FLT3LG: variants seen among roughly 807,000 people sequenced by gnomAD.
FLT3LG encodes the protein fms-related tyrosine kinase 3 ligand.
Under a neutral mutation model 30.9 loss-of-function variants are expected in FLT3LG, and 8 were observed. The observed-to-expected ratio is 0.26, with a 90% CI of 0.15 to 0.47. The LOEUF is 0.47. FLT3LG is among the 20% of genes least tolerant of loss of function. The pLI, the probability that FLT3LG is intolerant of heterozygous loss-of-function variation, is 0.99. For synonymous variants in FLT3LG, 123 were observed against 135.9 expected, an observed-to-expected ratio of 0.91 and a Z score of 0.66; for missense variants, 278 against 306.2, an observed-to-expected ratio of 0.91 and a Z score of 0.69.
intron 3 of FLT3LG, 70 bp downstream of exon 3, chr19:49,475,871 G>T: frequency 7.5e-7 from 1 of 1,327,712 alleles, no homozygotes; most frequent in Non-Finnish European, 1.1e-6. Context: ...AAGTAGAGAT[G>T]GGGTCTCTCT....
Position 49,479,058 on chromosome 19 carries a change from C to T in FLT3LG, c.481+11C>T. On this transcript the variant is annotated intron_variant, in intron 6 of 8. Coordinates refer to ENST00000597551, the MANE Select transcript of FLT3LG (RefSeq NM_001459.4). ...TGCAGTGTCAGCCCGGTAAAGGCTT[C>T]CAGGCACCCCCACTCCTTCCCCTCC... 1.2e-6 allele frequency: 2 copies of T among 1,602,002 alleles called. No individual in the cohort carries two copies. The highest frequency in any genetic ancestry group is 1.7e-6 in the Non-Finnish European group (2 of 1,174,238).
At chr19:49,478,590 T>C (rs905196749) in intron 5 of FLT3LG, among the ~76,000 whole-genome samples, 5 of 152,006 alleles carry the variant, frequency 3.3e-5, no homozygotes, top group African/African-American at 1.2e-4. Flanking sequence ...CTGGCCAACA[T>C]GGAGAAACCC....
Position 49,475,061 on chromosome 19 carries a change from G to A in FLT3LG, c.33+389G>A, listed in dbSNP as rs370201491. Among the ~76,000 whole-genome samples the A allele has an allele frequency of 2.6e-5, 3 of 117,342 alleles. No homozygotes were observed. In the East Asian group the frequency reaches 8.6e-4, roughly 34 times the overall value. 77.0% of individuals were successfully genotyped at this position (117,342 alleles called of 152,430 possible). ...GAAGGGGGAGATGGACAGAGGTGGGGGAGATGGACAGGAGGGAAGATGGAG... is the reference window on the plus strand; with the variant it reads ...GAAGGGGGAGATGGACAGAGGTGGGAGAGATGGACAGGAGGGAAGATGGAG... On this transcript the variant is annotated intron_variant, in intron 2 of 8. Coordinates refer to ENST00000597551, the MANE Select transcript of FLT3LG (RefSeq NM_001459.4).
At chr19:49,480,167 G>C (rs767793591) in intron 6 of FLT3LG, 131 bp from the exon 7 acceptor site, 30 of 643,714 alleles carry the variant, frequency 4.7e-5, no homozygotes, top group Non-Finnish European at 7.4e-5. Flanking sequence ...TAGTTTTACA[G>C]ATGAGCAAAC....
Position 49,476,088 on chromosome 19 carries a change from C to T in FLT3LG, c.145-57C>T, listed in dbSNP as rs776506882. The stretch of plus-strand genomic sequence containing the variant: ...GGATCTCTGCTGCCACCTCTGGGTC[C>T]CCACAGTTCTGTTTCTCGCTGTTTT... On this transcript the variant is annotated intron_variant, in intron 3 of 8. Transcript: ENST00000597551. The surrounding 1 kb of genome is among the most constrained non-coding windows in gnomAD (Gnocchi z 5.3). The T allele has an allele frequency of 7.5e-6, 12 of 1,596,214 alleles. No homozygotes were observed. The highest frequency in any genetic ancestry group is 1.0e-5 in the Non-Finnish European group (12 of 1,164,254).
chr19:49,475,950 TG>T, intron 3 of FLT3LG, 149 bp downstream of exon 3: 1 of 1,029,834 alleles, frequency 9.7e-7, no homozygotes, highest in Non-Finnish European at 1.5e-6. Flanking sequence ...CCTCCCAAAG[TG>T]CTGGAATTAC....
In FLT3LG at chr19:49,484,560, G is replaced by A. The variant is rs934097619; in HGVS notation, c.*22-1455G>A. Among the ~76,000 whole-genome samples, 17 of 151,502 alleles carry A rather than the reference G, an allele frequency of 1.1e-4. No homozygotes were observed. The South Asian group carries it at 3.1e-3, about 28-fold the overall frequency. ...TGCCCAGGCTGGAGTGCAACGGCAC[G>A]ATCTCGGCTCACTGCAACATCTGCC... On this transcript the variant is annotated intron_variant, in intron 8 of 8. Coordinates refer to ENST00000597551, the MANE Select transcript of FLT3LG (RefSeq NM_001459.4).
At chr19:49,479,191 C>G in intron 6 of FLT3LG, 144 bp downstream of exon 6, 1 of 710,218 alleles carries the variant, frequency 1.4e-6, no homozygotes, top group South Asian at 3.4e-5. Context: ...GCTCAGTTTA[C>G]CAATTTTTTT....
At chr19:49,478,218 C>A (rs1019516689) in intron 5 of FLT3LG, among the ~76,000 whole-genome samples, 1 of 149,300 alleles carries the variant, frequency 6.7e-6, no homozygotes, top group Non-Finnish European at 1.5e-5. Flanking sequence ...CCTGTAATCC[C>A]ACACTTTGGG....
intron 5 of FLT3LG, among the ~76,000 whole-genome samples, chr19:49,477,502 G>T (rs1012307603): frequency 3.3e-5 from 5 of 150,768 alleles, no homozygotes; most frequent in African/African-American, 1.2e-4. Flanking sequence ...ACTTTGGGAG[G>T]CTGAGGCGGG....
intron 8 of FLT3LG, among the ~76,000 whole-genome samples, chr19:49,482,583 G>A (rs1012746096): frequency 2.6e-5 from 4 of 151,908 alleles, no homozygotes; most frequent in Non-Finnish European, 4.4e-5. Flanking sequence ...CAGTGGAAAC[G>A]GCATGTGAGC....
chr19:49,482,157 G>C (rs1296024222), intron 8 of FLT3LG: 1 of 143,056 alleles, frequency 7.0e-6, no homozygotes, highest in Non-Finnish European at 1.5e-5. Flanking sequence ...ATGGAGTCTT[G>C]CTCTGTCGCC....
rs1222007581 is a variant in FLT3LG at position 49,474,626 on chromosome 19, G to A, written c.-14G>A. 1 of 1,612,498 alleles carries A rather than the reference G, an allele frequency of 6.2e-7. No individual in the cohort carries two copies. On this transcript the variant is annotated 5_prime_UTR_variant, in exon 2 of 9. Transcript: ENST00000597551. Reference sequence around the variant, plus strand: ...AGACCCGGCGACAGGAGGCATGAGGGGCCCCCGGCCGAAATGACAGTGCTG... The same window carrying A: ...AGACCCGGCGACAGGAGGCATGAGGAGCCCCCGGCCGAAATGACAGTGCTG...
In FLT3LG at chr19:49,476,199, G is replaced by A; in HGVS notation, c.198+1G>A. ...CACCGTGGCCTCCAACCTGCAGGAC[G>A]TAAGTCATGTTGGGAGGGACCTGGG... On this transcript the variant is annotated splice_donor_variant, in intron 4 of 8. Transcript: ENST00000597551. LOFTEE classifies it high-confidence loss of function. This position sits in a 1 kb window ranked among gnomAD's most constrained non-coding sequence, Gnocchi z 5.3. The A allele has an allele frequency of 6.2e-7, 1 of 1,610,978 alleles. No individual in the cohort carries two copies. Among genetic ancestry groups the A allele is most frequent in the Non-Finnish European group, 8.5e-7 (1 of 1,178,146 alleles).
chr19:49,479,176 C>A, intron 6 of FLT3LG, 129 bp downstream of exon 6: 1 of 834,548 alleles, frequency 1.2e-6, no homozygotes, highest in Non-Finnish European at 1.7e-6. Flanking sequence ...ATTCCTCTTT[C>A]TGGAGCTCAG....
At chr19:49,477,510 G>C (rs563584811) in intron 5 of FLT3LG, among the ~76,000 whole-genome samples, 12 of 151,930 alleles carry the variant, frequency 7.9e-5, no homozygotes, top group African/African-American at 2.9e-4. Context: ...AGGCTGAGGC[G>C]GGTGGATTGC....
chr19:49,479,340 G>A (rs546351599), intron 6 of FLT3LG, among the ~76,000 whole-genome samples: 42 of 151,290 alleles, frequency 2.8e-4, no homozygotes, highest in African/African-American at 9.2e-4. Context: ...GACCACAGGC[G>A]CCCGCCACCA....
intron 2 of FLT3LG, 54 bp downstream of exon 2, chr19:49,474,726 TG>T: frequency 1.9e-6 from 3 of 1,578,790 alleles, no homozygotes; most frequent in Non-Finnish European, 2.6e-6. Flanking sequence ...AATGTCAGGA[TG>T]GGGCAGAGAT....
Position 49,480,557 on chromosome 19 carries a change from C to T in FLT3LG, c.666C>T (p.Pro222=), listed in dbSNP as rs1390218400. 3.1e-6 allele frequency: 5 copies of T among 1,612,974 alleles called. No homozygotes were observed. The highest frequency in any genetic ancestry group is 3.3e-5 in the Admixed American group (2 of 59,918). The change falls in exon 8 of 9, where the codon CCC becomes CCT. Residue 222 remains proline (P), a synonymous_variant. Coordinates refer to ENST00000597551, the MANE Select transcript of FLT3LG (RefSeq NM_001459.4). ...TGACACTTTGGGGCCCACAGGTGCCCCCCGTCCCCAGTCCCCAGGACCTGC... is the reference window on the plus strand; with the variant it reads ...TGACACTTTGGGGCCCACAGGTGCCTCCCGTCCCCAGTCCCCAGGACCTGC... ...RRTPRPGEQV[P]PVPSPQDLLL... is the part of the protein sequence containing the mutation.
Sources: gnomAD v4.1 joint callset for allele counts (sites outside exome capture counted in the v4.1 genomes callset) on GRCh38, gnomAD v4.1.1 for gene constraint, Gnocchi (gnomAD v3.1) non-coding constraint, MANE v1.5 for transcripts, NCBI Gene and HGNC (gene_info 2026-07-23, HGNC 2026-07-21) for gene names.